RABGAP1L: variants seen among roughly 807,000 people sequenced by gnomAD.
RABGAP1L encodes the protein RAB GTPase activating protein 1 like, also known as rab GTPase-activating protein 1-like.
RABGAP1L carries 63 observed loss-of-function variants against 137.7 expected under a neutral mutation model. The ratio of observed to expected loss-of-function variants is 0.46; its 90% confidence interval spans 0.37 to 0.56. The LOEUF is 0.56. Among genes scored for constraint, RABGAP1L ranks in the 20% least tolerant of loss-of-function variants. The pLI is 0.00. For missense variants in RABGAP1L, 1,095 were observed against 1,244.0 expected (o/e 0.88, Z 1.80); for synonymous variants, 431 against 433.7 (o/e 0.99, Z 0.08).
At position 174,295,263 on chromosome 1, in the gene RABGAP1L, G is replaced by A. The variant is rs997726904; in HGVS notation, c.1324-9723G>A. On this transcript the variant is annotated intron_variant, in intron 10 of 25. Coordinates refer to ENST00000681986, the MANE Select transcript of RABGAP1L (RefSeq NM_001366446.1). ...CAAAGTCTCACTGTTGTACATGCTGGAGTGGTGTGGCGCAGTCATAGCTAA... is the reference window on the plus strand; with the variant it reads ...CAAAGTCTCACTGTTGTACATGCTGAAGTGGTGTGGCGCAGTCATAGCTAA... Among the ~76,000 whole-genome samples, 103 of 150,762 alleles carry A rather than the reference G, an allele frequency of 6.8e-4. 1 individual carries two copies. The highest frequency in any genetic ancestry group is 2.3e-3 in the African/African-American group (94 of 40,932).
chr1:174,438,744 GTATATATATATATATA>G (rs71117563), intron 13 of RABGAP1L, among the ~76,000 whole-genome samples: 21 of 95,456 alleles, frequency 2.2e-4, no homozygotes, highest in East Asian at 1.5e-3. Flanking sequence ...GTGTGTGTGT[GTATATATATATATATA>G]TATATATATA....
At chr1:174,228,115 T>C (rs979161487) in intron 3 of RABGAP1L, among the ~76,000 whole-genome samples, 1 of 152,086 alleles carries the variant, frequency 6.6e-6, no homozygotes, top group African/African-American at 2.4e-5. Flanking sequence ...TTTCTTCTTA[T>C]TTTGTTAGAT....
chr1:174,879,793 A>G (rs909768408), intron 19 of RABGAP1L, among the ~76,000 whole-genome samples: 2 of 152,192 alleles, frequency 1.3e-5, no homozygotes, highest in Non-Finnish European at 2.9e-5. Context: ...TATAATCAAT[A>G]AAACTGTAAT....
intron 1 of RABGAP1L, among the ~76,000 whole-genome samples, chr1:174,174,920 A>T (rs1361169597): frequency 1.3e-5 from 2 of 152,186 alleles, no homozygotes; most frequent in Non-Finnish European, 2.9e-5. Context: ...ATGCGGAAAT[A>T]ATGCTTTTAC....
chr1:174,543,690 C>T (rs1052976701), intron 13 of RABGAP1L, among the ~76,000 whole-genome samples: 3 of 152,122 alleles, frequency 2.0e-5, no homozygotes, highest in Non-Finnish European at 4.4e-5. Context: ...TTCCTAGCCT[C>T]GATGGTCTTT....
At chr1:174,703,951 T>TTG (rs1198847182) in intron 17 of RABGAP1L, among the ~76,000 whole-genome samples, 2 of 152,180 alleles carry the variant, frequency 1.3e-5, no homozygotes, top group Non-Finnish European at 1.5e-5. Flanking sequence ...TCTGTTGTCA[T>TTG]TGAGTTGTTT....
chr1:174,437,943 C>T (rs1262720910), intron 13 of RABGAP1L, among the ~76,000 whole-genome samples: 2 of 152,102 alleles, frequency 1.3e-5, no homozygotes, highest in Non-Finnish European at 2.9e-5. Context: ...GAATTTTCAA[C>T]CCAGAATTTC....
chr1:174,350,917 C>G (rs1453834295), intron 11 of RABGAP1L, among the ~76,000 whole-genome samples: 1 of 113,536 alleles, frequency 8.8e-6, no homozygotes, highest in South Asian at 3.6e-4. Context: ...AGCGAAACCC[C>G]GTCTCCACCA....
Position 174,840,634 on chromosome 1 carries a change from C to CAA in RABGAP1L, c.2340+28686_2340+28687dup, listed in dbSNP as rs571457207. Among the ~76,000 whole-genome samples, 226 of 113,402 alleles carry CAA rather than the reference C, an allele frequency of 2.0e-3. 2 individuals are homozygous for CAA. The highest frequency in any genetic ancestry group is 9.3e-3 in the East Asian group (39 of 4,216). 74.4% of individuals were successfully genotyped at this position (113,402 alleles called of 152,430 possible). ...CAAAACCCTGTCTCTACTAAAAATA[C>CAA]AAAAAAAAAAAAACAAAAAAAAAGA... is the stretch of plus-strand genomic sequence containing the variant. On this transcript the variant is annotated intron_variant, in intron 19 of 25. Coordinates refer to ENST00000681986, the MANE Select transcript of RABGAP1L (RefSeq NM_001366446.1).
chr1:174,510,892 T>G (rs942230259), intron 13 of RABGAP1L, among the ~76,000 whole-genome samples: 2 of 152,250 alleles, frequency 1.3e-5, no homozygotes, highest in African/African-American at 4.8e-5. Context: ...CTAATTTGGT[T>G]GTTTTTCAGG....
intron 13 of RABGAP1L, among the ~76,000 whole-genome samples, chr1:174,612,202 T>C (rs1377585109): frequency 6.6e-6 from 1 of 152,218 alleles, no homozygotes; most frequent in African/African-American, 2.4e-5. Context: ...CTGTCATAGA[T>C]AGCTCTTATT....
chr1:174,384,305 G>C (rs1686539184), intron 12 of RABGAP1L, among the ~76,000 whole-genome samples: 1 of 152,122 alleles, frequency 6.6e-6, no homozygotes, highest in South Asian at 2.1e-4. Flanking sequence ...ATTTGGGTAT[G>C]GGGGGAATGA....
At chr1:174,441,258 TA>T (rs1442508877) in intron 13 of RABGAP1L, among the ~76,000 whole-genome samples, 10 of 151,914 alleles carry the variant, frequency 6.6e-5, no homozygotes, top group African/African-American at 2.4e-4. Context: ...ATGGCAATAA[TA>T]AGATACCTAA....
At chr1:174,728,084 A>G (rs1682143448) in intron 17 of RABGAP1L, among the ~76,000 whole-genome samples, 1 of 152,248 alleles carries the variant, frequency 6.6e-6, no homozygotes, top group South Asian at 2.1e-4. Flanking sequence ...AAAGAGAATT[A>G]TATTCAAAAC....
At chr1:174,829,611 A>G (rs12123947) in intron 19 of RABGAP1L, among the ~76,000 whole-genome samples, 5,577 of 148,404 alleles carry the variant, frequency 0.038, 603 homozygotes, top group Non-Finnish European at 0.058. Flanking sequence ...TGTGTGATCA[A>G]AATAACTGTG....
In RABGAP1L at chr1:174,789,577, G is replaced by A. The variant is rs556184981; in HGVS notation, c.2212-22255G>A. On this transcript the variant is annotated intron_variant, in intron 18 of 25. Transcript: ENST00000681986. Reference sequence around the variant, plus strand: ...AATTTACTCAGCATCTGCTACATGGGAGTGACTCAGTTCATTGCTCAGCAA... The same window carrying A: ...AATTTACTCAGCATCTGCTACATGGAAGTGACTCAGTTCATTGCTCAGCAA... Among the ~76,000 whole-genome samples, 6 of 152,100 alleles carry A rather than the reference G, an allele frequency of 3.9e-5. No homozygotes were observed. In the South Asian group the frequency reaches 1.3e-3, roughly 32 times the overall value.
chr1:174,294,354 G>C (rs1466678431), intron 10 of RABGAP1L, among the ~76,000 whole-genome samples: 1 of 152,150 alleles, frequency 6.6e-6, no homozygotes, highest in African/African-American at 2.4e-5. Context: ...GTGTGACAAA[G>C]CAAAGAAGGG....
chr1:174,624,704 TG>T, intron 13 of RABGAP1L, among the ~76,000 whole-genome samples: 1 of 152,128 alleles, frequency 6.6e-6, no homozygotes, highest in South Asian at 2.1e-4. Context: ...TGATGGAAAA[TG>T]GTAAGAGAAG....
In RABGAP1L at chr1:174,255,408, A is replaced by G. The variant is rs144751345; in HGVS notation, c.986+2818A>G. Among the ~76,000 whole-genome samples, 511 of 152,368 alleles carry G rather than the reference A, an allele frequency of 3.4e-3. 5 individuals are homozygous for G. Among genetic ancestry groups the G allele is most frequent in the African/African-American group, 0.012 (488 of 41,586 alleles). ...CAAACTTACAGAAGAGTTAAAAACA[A>G]TACAACTAGTAGAGAGAAGACCTGT... On this transcript the variant is annotated intron_variant, in intron 7 of 25. Transcript: ENST00000681986.
Sources: gnomAD v4.1 joint callset for allele counts (sites outside exome capture counted in the v4.1 genomes callset) on GRCh38, gnomAD v4.1.1 for gene constraint, MANE v1.5 for transcripts, NCBI Gene and HGNC (gene_info 2026-07-23, HGNC 2026-07-21) for gene names.